Variants in GPC6 observed in about 807,000 individuals in gnomAD.
GPC6 encodes the protein glypican-6.
Under a neutral mutation model 55.2 loss-of-function variants are expected in GPC6, and 14 were observed. The ratio of observed to expected loss-of-function variants is 0.25; its 90% CI spans 0.17 to 0.40. The LOEUF is 0.40. Ranked by LOEUF, GPC6 falls within the 10% of genes least tolerant of loss-of-function variation. The probability of loss-of-function intolerance (pLI) is 1.00; values close to 1 mark genes in which losing one functional copy is unlikely to be tolerated. For synonymous variants in GPC6, 278 were observed against 259.6 expected (o/e 1.07, Z -0.68); for missense variants, 641 against 708.5 (o/e 0.90, Z 1.08).
intron 4 of GPC6, among the ~76,000 whole-genome samples, chr13:94,085,254 G>A (rs368406289): frequency 8.7e-5 from 13 of 148,766 alleles, no homozygotes; most frequent in Middle Eastern, 3.4e-3. Context: ...CCCAGGAGGC[G>A]GAGGTTGCAG....
chr13:93,901,833 G>A (rs1265115616), intron 3 of GPC6, among the ~76,000 whole-genome samples: 1 of 150,818 alleles, frequency 6.6e-6, no homozygotes, highest in Non-Finnish European at 1.5e-5. Context: ...CCCTGGAAGT[G>A]GAGGTTGCAG....
chr13:93,393,620 C>T (rs1340828811), intron 1 of GPC6, among the ~76,000 whole-genome samples: 2 of 148,824 alleles, frequency 1.3e-5, no homozygotes, highest in East Asian at 3.9e-4. Context: ...CAAATAAGGA[C>T]TTAGACCTGT....
At chr13:93,456,156 C>G (rs1222245977) in intron 1 of GPC6, among the ~76,000 whole-genome samples, 6 of 151,882 alleles carry the variant, frequency 4.0e-5, no homozygotes, top group Admixed American at 1.3e-4. Context: ...CTGGTAAAAA[C>G]TTTATGAACC....
At chr13:93,754,084 G>T (rs1313652386) in intron 2 of GPC6, among the ~76,000 whole-genome samples, 3 of 152,140 alleles carry the variant, frequency 2.0e-5, no homozygotes, top group Admixed American at 6.6e-5. Flanking sequence ...AAGCCAGCAT[G>T]CTCTGTTTTA....
chr13:93,532,049 T>C (rs1264223973), intron 1 of GPC6, among the ~76,000 whole-genome samples: 1 of 152,242 alleles, frequency 6.6e-6, no homozygotes, highest in Non-Finnish European at 1.5e-5. Flanking sequence ...CAAATTTCCC[T>C]TGAAAATTTT....
chr13:93,268,321 G>T (rs767582823), intron 1 of GPC6, among the ~76,000 whole-genome samples: 65 of 152,246 alleles, frequency 4.3e-4, no homozygotes, highest in African/African-American at 1.5e-3. Context: ...GATCTGTAAC[G>T]AAAACTCTGC....
chr13:94,339,068 CTTTT>C (rs71695956), intron 6 of GPC6, among the ~76,000 whole-genome samples: 17 of 145,098 alleles, frequency 1.2e-4, no homozygotes, highest in African/African-American at 4.3e-4. Context: ...AGGAGTTTTC[CTTTT>C]TTTTTTTTAA....
intron 1 of GPC6, among the ~76,000 whole-genome samples, chr13:93,315,860 A>G (rs1879229614): frequency 6.6e-6 from 1 of 151,900 alleles, no homozygotes; most frequent in Non-Finnish European, 1.5e-5. Context: ...TTCTGAAGAT[A>G]TTTTGTTGAT....
At chr13:94,225,786 G>T (rs968630258) in intron 4 of GPC6, among the ~76,000 whole-genome samples, 22 of 151,990 alleles carry the variant, frequency 1.4e-4, no homozygotes, top group Non-Finnish European at 3.1e-4. Context: ...GCCTAAATCT[G>T]TATTTCCTCT....
At chr13:93,538,764 G>A (rs1387643971) in intron 1 of GPC6, among the ~76,000 whole-genome samples, 18 of 152,124 alleles carry the variant, frequency 1.2e-4, no homozygotes, top group Admixed American at 1.2e-3. Context: ...CCTGTATTGG[G>A]TACTCTACTG....
intron 4 of GPC6, among the ~76,000 whole-genome samples, chr13:94,107,621 C>G (rs1165630523): frequency 1.4e-5 from 2 of 141,898 alleles, no homozygotes. Flanking sequence ...CTCATGAGTT[C>G]TAGCTTCCGA....
intron 4 of GPC6, among the ~76,000 whole-genome samples, chr13:94,137,082 G>A (rs926849959): frequency 6.6e-6 from 1 of 152,174 alleles, no homozygotes; most frequent in Non-Finnish European, 1.5e-5. Flanking sequence ...TTAATAGGTG[G>A]CAGTGTCTCA....
At position 93,400,474 on chromosome 13, in the gene GPC6, G is replaced by A. The variant is rs564376600; in HGVS notation, c.161-144789G>A. Among the ~76,000 whole-genome samples, 161 of 79,822 alleles carry A rather than the reference G, an allele frequency of 2.0e-3. 1 individual carries two copies. Among genetic ancestry groups the A allele is most frequent in the African/African-American group, 7.2e-3 (157 of 21,882 alleles). The allele number at this position is 79,822 out of a possible 152,430, so 52.4% of individuals were successfully genotyped here. ...GGAAGGGTAGTGGCGGGGACAGGGT[G>A]GGGGGAGGTGGGGATGGTTAATGGA... On this transcript the variant is annotated intron_variant, in intron 1 of 8. Coordinates refer to ENST00000377047, the MANE Select transcript of GPC6 (RefSeq NM_005708.5).
intron 1 of GPC6, among the ~76,000 whole-genome samples, chr13:93,305,366 G>A (rs186401494): frequency 4.8e-4 from 73 of 152,194 alleles, no homozygotes; most frequent in Admixed American, 1.5e-3. Context: ...AGCACCTGAT[G>A]GGTATCTCAG....
chr13:93,376,905 TA>T (rs1488043259), intron 1 of GPC6, among the ~76,000 whole-genome samples: 1 of 152,192 alleles, frequency 6.6e-6, no homozygotes. Flanking sequence ...CGTGAATGCT[TA>T]TATTAGGAAT....
At chr13:93,686,757 T>A (rs1882064002) in intron 2 of GPC6, among the ~76,000 whole-genome samples, 2 of 152,148 alleles carry the variant, frequency 1.3e-5, no homozygotes, top group Non-Finnish European at 2.9e-5. Context: ...TTTGAGGTGG[T>A]GAATATAGAG....
intron 3 of GPC6, among the ~76,000 whole-genome samples, chr13:93,895,053 T>A (rs1217605324): frequency 6.6e-6 from 1 of 151,052 alleles, no homozygotes; most frequent in African/African-American, 2.4e-5. Context: ...CACCAACGTC[T>A]TACAGCAAAT....
intron 2 of GPC6, among the ~76,000 whole-genome samples, chr13:93,706,566 T>C (rs933313215): frequency 1.3e-5 from 2 of 151,918 alleles, no homozygotes; most frequent in African/African-American, 2.4e-5. Flanking sequence ...AGCCAATTTA[T>C]TGAGAGAAAA....
chr13:93,681,510 A>T (rs1470784491), intron 2 of GPC6, among the ~76,000 whole-genome samples: 1 of 152,208 alleles, frequency 6.6e-6, no homozygotes, highest in Non-Finnish European at 1.5e-5. Context: ...ATATACAGAA[A>T]TCAATTTGGA....
Sources: gnomAD v4.1 joint callset for allele counts (sites outside exome capture counted in the v4.1 genomes callset) on GRCh38, gnomAD v4.1.1 for gene constraint, MANE v1.5 for transcripts, NCBI Gene and HGNC (gene_info 2026-07-23, HGNC 2026-07-21) for gene names.